The following MOK variants were observed in gnomAD, a reference collection of about 807,000 sequenced individuals.
The protein encoded by MOK is MAPK/MAK/MRK overlapping kinase.
In MOK, 59 loss-of-function variants were observed where a neutral mutation model predicts 54.2. That is an observed-to-expected ratio of 1.09 (90% CI 0.88 to 1.35). The LOEUF (loss-of-function observed/expected upper bound fraction) is 1.35, where lower values mean the gene tolerates loss of function less well. MOK is among the 40% of genes most tolerant of loss of function. The pLI is 0.00. For synonymous variants in MOK, 210 were observed against 202.7 expected (o/e 1.04, Z -0.31); for missense variants, 517 against 526.2 (o/e 0.98, Z 0.17).
At chr14:102,260,176 CAAAAAAAAAAA>C (rs770385409) in intron 4 of MOK, among the ~76,000 whole-genome samples, 1 of 76,256 alleles carries the variant, frequency 1.3e-5, no homozygotes, top group African/African-American at 4.7e-5. Context: ...AACTCCATCT[CAAAAAAAAAAA>C]AAAAAAAACT....
chr14:102,294,333 C>A (rs1177997883), intron 1 of MOK, among the ~76,000 whole-genome samples: 2 of 151,868 alleles, frequency 1.3e-5, no homozygotes, highest in East Asian at 1.9e-4. Context: ...GTAGTCCCAG[C>A]TACTCGGGAG....
intron 1 of MOK, among the ~76,000 whole-genome samples, chr14:102,287,759 T>C (rs1044523743): frequency 1.3e-5 from 2 of 151,900 alleles, no homozygotes; most frequent in Admixed American, 1.3e-4. Context: ...CCTCATACAT[T>C]GCTGGCAGGA....
intron 4 of MOK, among the ~76,000 whole-genome samples, chr14:102,253,549 A>C (rs1472631911): frequency 6.6e-6 from 1 of 152,356 alleles, no homozygotes; most frequent in South Asian, 2.1e-4. Context: ...AACTGCTTTC[A>C]GTCACAGTCC....
chr14:102,226,426 G>A (rs1188531950), downstream of MOK: 1 of 702,896 alleles, frequency 1.4e-6, no homozygotes, highest in African/African-American at 1.7e-5. This position sits in a 1 kb window ranked among gnomAD's most constrained non-coding sequence, Gnocchi z 4.8. Context: ...GATAATTCAA[G>A]CGCTTCAATT....
At chr14:102,233,592 G>T in intron 8 of MOK, 96 bp downstream of exon 8, 2 of 1,053,612 alleles carry the variant, frequency 1.9e-6, no homozygotes, top group Admixed American at 1.9e-5. Context: ...AGGAGCTCCT[G>T]AGAGGGGTTT....
chr14:102,224,122 A>G (rs2064153067), downstream of MOK, among the ~76,000 whole-genome samples: 2 of 150,230 alleles, frequency 1.3e-5, no homozygotes, highest in Admixed American at 1.3e-4. Flanking sequence ...GCTCACTGCA[A>G]GCTCCGCCTC....
intron 7 of MOK, among the ~76,000 whole-genome samples, chr14:102,244,522 A>G (rs1297328351): frequency 3.9e-5 from 6 of 152,148 alleles, no homozygotes; most frequent in African/African-American, 1.2e-4. Context: ...TCCATCTGCT[A>G]TTCTACTACT....
At chr14:102,215,048 A>G in the MOK span, 7 of 956,474 alleles carry the variant, frequency 7.3e-6, no homozygotes, top group Non-Finnish European at 8.7e-6. Flanking sequence ...TAAGCTTTAA[A>G]AATCCCAGTG....
intron 2 of MOK, among the ~76,000 whole-genome samples, chr14:102,281,606 G>GC (rs1485245185): frequency 7.8e-6 from 1 of 128,470 alleles, no homozygotes; most frequent in Non-Finnish European, 1.6e-5. Context: ...CTGTTTTTTT[G>GC]TGTTTTTTTT....
chr14:102,228,286 C>T (rs2064331437), downstream of MOK, among the ~76,000 whole-genome samples: 2 of 152,218 alleles, frequency 1.3e-5, no homozygotes, highest in Non-Finnish European at 2.9e-5. Flanking sequence ...CAGAAGAGAC[C>T]CTTCAGGCCT....
At chr14:102,222,282 G>A (rs1212768764), downstream of MOK, among the ~76,000 whole-genome samples, 1 of 152,156 alleles carries the variant, frequency 6.6e-6, no homozygotes, top group Non-Finnish European at 1.5e-5. The surrounding 1 kb of genome is among the most constrained non-coding windows in gnomAD (Gnocchi z 4.4). Context: ...TCTACCTGTG[G>A]GGCCTACACA....
chr14:102,257,872 G>A (rs1224697249), intron 4 of MOK, among the ~76,000 whole-genome samples: 3 of 151,874 alleles, frequency 2.0e-5, no homozygotes, highest in South Asian at 2.1e-4. Context: ...AGCTACTTGG[G>A]AGCCTGAGGC....
chr14:102,223,092 T>C (rs1020529982), downstream of MOK: 2 of 495,608 alleles, frequency 4.0e-6, no homozygotes, highest in African/African-American at 4.0e-5. Context: ...AACCGGTCTT[T>C]TGGGGCTGCA....
At chr14:102,299,004 G>A (rs2071817160) in intron 1 of MOK, among the ~76,000 whole-genome samples, 1 of 152,074 alleles carries the variant, frequency 6.6e-6, no homozygotes. Context: ...CAACACATCT[G>A]AACTTCAGAA....
downstream of MOK, among the ~76,000 whole-genome samples, chr14:102,227,607 G>C (rs947361286): frequency 2.6e-5 from 4 of 151,906 alleles, no homozygotes; most frequent in African/African-American, 7.2e-5. Context: ...TGAAAATTAC[G>C]GCAAGCCTCA....
At chr14:102,287,677 C>A (rs1350260990) in intron 1 of MOK, among the ~76,000 whole-genome samples, 1 of 152,066 alleles carries the variant, frequency 6.6e-6, no homozygotes, top group South Asian at 2.1e-4. Flanking sequence ...TGATGAGATA[C>A]CACTTCACAC....
intron 2 of MOK, among the ~76,000 whole-genome samples, chr14:102,273,879 T>C (rs1382899801): frequency 6.6e-6 from 1 of 152,206 alleles, no homozygotes; most frequent in Non-Finnish European, 1.5e-5. Flanking sequence ...AAGTTCAATA[T>C]TGCTAAGATA....
At chr14:102,222,474 C>T (rs2064009616), downstream of MOK, among the ~76,000 whole-genome samples, 1 of 152,146 alleles carries the variant, frequency 6.6e-6, no homozygotes, top group Non-Finnish European at 1.5e-5. The surrounding 1 kb of genome is among the most constrained non-coding windows in gnomAD (Gnocchi z 4.4). Context: ...TGGCTGAAGG[C>T]GCTGAACACC....
At chr14:102,262,269 C>G (rs1424311809) in intron 4 of MOK, among the ~76,000 whole-genome samples, 4 of 152,142 alleles carry the variant, frequency 2.6e-5, no homozygotes, top group African/African-American at 9.7e-5. Flanking sequence ...CCTCAGCTTC[C>G]TGAGTAGGTG....
Sources: allele counts gnomAD v4.1 joint callset (sites outside exome capture counted in the v4.1 genomes callset), GRCh38; gene constraint gnomAD v4.1.1; non-coding constraint Gnocchi (gnomAD v3.1); transcripts MANE v1.5; gene names NCBI Gene and HGNC (gene_info 2026-07-23, HGNC 2026-07-21).